The following CNTN4 variants were observed in gnomAD, a reference collection of about 807,000 sequenced individuals.
CNTN4 encodes contactin 4, also known as contactin-4.
CNTN4 carries 77 observed loss-of-function variants against 122.5 expected under a neutral mutation model. The ratio of observed to expected loss-of-function variants is 0.63; its 90% CI spans 0.52 to 0.76. CNTN4 has a LOEUF of 0.76. Among genes scored for constraint, CNTN4 ranks in the 30% least tolerant of loss-of-function variants. The probability of loss-of-function intolerance (pLI) is 0.00; values close to 1 mark genes in which losing one functional copy is unlikely to be tolerated. For missense variants in CNTN4, 1,256 were observed against 1,259.1 expected (o/e 1.00, Z 0.04); for synonymous variants, 512 against 447.0 (o/e 1.15, Z -1.83).
intron 2 of CNTN4, among the ~76,000 whole-genome samples, chr3:2,310,649 T>C (rs180743959): frequency 1.3e-5 from 2 of 152,208 alleles, no homozygotes; most frequent in Non-Finnish European, 2.9e-5. Flanking sequence ...AAAAATGGCT[T>C]CACTTGTACC....
At chr3:2,578,147 A>C (rs1451941841) in intron 4 of CNTN4, among the ~76,000 whole-genome samples, 1 of 152,170 alleles carries the variant, frequency 6.6e-6, no homozygotes. Context: ...GATAGACAAA[A>C]ATATATACAA....
At chr3:2,180,084 G>T (rs1291251028) in intron 2 of CNTN4, among the ~76,000 whole-genome samples, 1 of 151,702 alleles carries the variant, frequency 6.6e-6, no homozygotes, top group African/African-American at 2.4e-5. Flanking sequence ...TATGTTGATT[G>T]TATCTACATG....
At chr3:2,104,458 T>A in intron 2 of CNTN4, among the ~76,000 whole-genome samples, 1 of 152,244 alleles carries the variant, frequency 6.6e-6, no homozygotes, top group East Asian at 1.9e-4. Context: ...GAATAGATCC[T>A]GACTGAGTGG....
At chr3:2,229,170 G>T (rs7613231) in intron 2 of CNTN4, among the ~76,000 whole-genome samples, 4 of 151,896 alleles carry the variant, frequency 2.6e-5, no homozygotes, top group African/African-American at 7.3e-5. Flanking sequence ...TATTGAACCA[G>T]GTCTGTGAAA....
intron 6 of CNTN4, among the ~76,000 whole-genome samples, chr3:2,790,959 A>C (rs1199879106): frequency 6.6e-6 from 1 of 152,096 alleles, no homozygotes; most frequent in Admixed American, 6.6e-5. Context: ...TTGGTTGCTT[A>C]TTTAATACTT....
At chr3:2,463,407 A>G (rs1455341662) in intron 3 of CNTN4, among the ~76,000 whole-genome samples, 2 of 152,230 alleles carry the variant, frequency 1.3e-5, no homozygotes, top group South Asian at 2.1e-4. Context: ...AGCATACAGG[A>G]TAAGGTTTTA....
intron 5 of CNTN4, among the ~76,000 whole-genome samples, chr3:2,741,395 A>C (rs569966129): frequency 6.6e-6 from 1 of 152,366 alleles, no homozygotes; most frequent in Admixed American, 6.5e-5. Flanking sequence ...TGGATAAGGA[A>C]AAGAAGTGCA....
intron 2 of CNTN4, among the ~76,000 whole-genome samples, chr3:2,135,728 T>A (rs1325304586): frequency 1.3e-5 from 2 of 152,152 alleles, no homozygotes; most frequent in Non-Finnish European, 2.9e-5. Flanking sequence ...CTCATTGTCT[T>A]CACAAGTGTA....
intron 10 of CNTN4, among the ~76,000 whole-genome samples, chr3:2,887,739 A>AC: frequency 6.6e-6 from 1 of 152,188 alleles, no homozygotes; most frequent in East Asian, 1.9e-4. Flanking sequence ...AATCTCTCTC[A>AC]CCCCAAAGAC....
chr3:2,847,440 G>A (rs566755000), intron 7 of CNTN4, among the ~76,000 whole-genome samples: 1 of 152,296 alleles, frequency 6.6e-6, no homozygotes, highest in South Asian at 2.1e-4. Flanking sequence ...AGCAATTTGT[G>A]ATCTGAAGTG....
chr3:2,251,621 G>A (rs559047588), intron 2 of CNTN4, among the ~76,000 whole-genome samples: 1 of 151,880 alleles, frequency 6.6e-6, no homozygotes, highest in South Asian at 2.1e-4. Context: ...GAGAAATGAA[G>A]CATTGTTATT....
intron 6 of CNTN4, among the ~76,000 whole-genome samples, chr3:2,787,821 G>C (rs577868226): frequency 3.5e-5 from 5 of 140,960 alleles, no homozygotes; most frequent in African/African-American, 5.3e-5. Flanking sequence ...GCAGGGTCTT[G>C]CTCTGTTGCC....
At chr3:2,348,508 C>G (rs1044913982) in intron 3 of CNTN4, among the ~76,000 whole-genome samples, 16 of 152,212 alleles carry the variant, frequency 1.1e-4, no homozygotes, top group Non-Finnish European at 2.9e-5. Context: ...GAACCACCAC[C>G]ACATTAACTG....
In CNTN4 at chr3:2,571,410, CCA is replaced by C; in HGVS notation, c.-88-3_-88-2del. ...ATCTCATTGTAATGTCTCTTCTTTC[CCA>C]CAGATTAAAGGTTATACAAAACTTA... On this transcript the variant is annotated splice_region_variant and splice_polypyrimidine_tract_variant and intron_variant, in intron 3 of 24. Transcript: ENST00000418658. 1 of 874,200 alleles carries C rather than the reference CCA, an allele frequency of 1.1e-6. No homozygotes were observed. Among genetic ancestry groups the C allele is most frequent in the South Asian group, 1.3e-5 (1 of 74,274 alleles). The allele number at this position is 874,200 out of a possible 1,614,324, so 54.2% of individuals were successfully genotyped here.
chr3:2,193,573 A>G (rs921788341), intron 2 of CNTN4, among the ~76,000 whole-genome samples: 1 of 152,198 alleles, frequency 6.6e-6, no homozygotes, highest in Non-Finnish European at 1.5e-5. Context: ...TGTAAGGCAT[A>G]TTACTGGGTG....
At chr3:2,523,675 A>C (rs573127681) in intron 3 of CNTN4, among the ~76,000 whole-genome samples, 1 of 152,210 alleles carries the variant, frequency 6.6e-6, no homozygotes, top group South Asian at 2.1e-4. Context: ...TCAGGACGGC[A>C]ACAGAGAGTA....
chr3:2,260,570 A>T (rs1014988949), intron 2 of CNTN4, among the ~76,000 whole-genome samples: 3 of 152,124 alleles, frequency 2.0e-5, no homozygotes, highest in African/African-American at 7.2e-5. Context: ...GCTGTCTCCT[A>T]TTATAGTCTT....
chr3:2,776,915 A>G (rs2091344474), intron 6 of CNTN4, among the ~76,000 whole-genome samples: 1 of 152,180 alleles, frequency 6.6e-6, no homozygotes, highest in Non-Finnish European at 1.5e-5. Flanking sequence ...GGGTATGCAT[A>G]TAAAATACAT....
intron 2 of CNTN4, among the ~76,000 whole-genome samples, chr3:2,120,392 T>TAA (rs1559260896): frequency 3.7e-4 from 11 of 29,854 alleles, no homozygotes; most frequent in East Asian, 1.2e-3. Flanking sequence ...TATATATATA[T>TAA]ATATATATAT....
Sources: gnomAD v4.1 joint callset for allele counts (sites outside exome capture counted in the v4.1 genomes callset) on GRCh38, gnomAD v4.1.1 for gene constraint, MANE v1.5 for transcripts, NCBI Gene and HGNC (gene_info 2026-07-23, HGNC 2026-07-21) for gene names.